MYO16: variants seen among roughly 807,000 people sequenced by gnomAD.
The protein encoded by MYO16 is unconventional myosin-XVI.
Under a neutral mutation model 205.3 loss-of-function variants are expected in MYO16, and 94 were observed. That is an observed-to-expected ratio of 0.46 (90% CI 0.39 to 0.54). The LOEUF (loss-of-function observed/expected upper bound fraction) is 0.54. Among genes scored for constraint, MYO16 ranks in the 20% least tolerant of loss-of-function variants. The pLI, the probability that MYO16 is intolerant of heterozygous loss-of-function variation, is 0.00. For synonymous variants in MYO16, 988 were observed against 954.0 expected (o/e 1.04, Z -0.66); for missense variants, 2,315 against 2,387.5 (o/e 0.97, Z 0.63).
At chr13:108,745,984 G>A (rs1315959579) in intron 4 of MYO16, among the ~76,000 whole-genome samples, 8 of 151,930 alleles carry the variant, frequency 5.3e-5, no homozygotes, top group South Asian at 2.1e-4. Context: ...TCAGGAGAAC[G>A]AGACCATCCT....
At chr13:109,069,638 A>G (rs528442575) in intron 27 of MYO16, among the ~76,000 whole-genome samples, 4 of 151,950 alleles carry the variant, frequency 2.6e-5, no homozygotes, top group African/African-American at 7.3e-5. Context: ...TCTTTGGTAC[A>G]TACATGCCAT....
At chr13:108,889,206 T>G (rs904692574) in intron 14 of MYO16, among the ~76,000 whole-genome samples, 2 of 151,702 alleles carry the variant, frequency 1.3e-5, no homozygotes, top group African/African-American at 4.8e-5. Flanking sequence ...CCTTAAAGAC[T>G]TCGATGGGCA....
At chr13:108,582,472 C>G in the MYO16 span, among the ~76,000 whole-genome samples, 1 of 152,152 alleles carries the variant, frequency 6.6e-6, no homozygotes, top group African/African-American at 2.4e-5. Context: ...GTGGCACAAC[C>G]CAACTGAGCA....
At chr13:109,012,033 C>T (rs760035018) in intron 22 of MYO16, among the ~76,000 whole-genome samples, 1 of 152,074 alleles carries the variant, frequency 6.6e-6, no homozygotes, top group Non-Finnish European at 1.5e-5. Context: ...AGTATCTACA[C>T]ATTTAAAAGC....
upstream of MYO16, among the ~76,000 whole-genome samples, chr13:108,624,649 C>T (rs1201450435): frequency 6.6e-6 from 1 of 152,154 alleles, no homozygotes; most frequent in African/African-American, 2.4e-5. Context: ...TTACAAATGT[C>T]CTGCTTTAGA....
At chr13:109,085,629 T>G (rs879568205) in intron 27 of MYO16, among the ~76,000 whole-genome samples, 5 of 152,226 alleles carry the variant, frequency 3.3e-5, no homozygotes, top group Non-Finnish European at 7.3e-5. Flanking sequence ...CATTTTTAAG[T>G]CATTCATTCC....
intron 4 of MYO16, among the ~76,000 whole-genome samples, chr13:108,767,355 G>T (rs1361782806): frequency 1.3e-5 from 2 of 152,158 alleles, no homozygotes; most frequent in African/African-American, 4.8e-5. Flanking sequence ...ATCCGCCTCA[G>T]CCTCCCAAAG....
At chr13:109,054,549 A>C (rs188651885) in intron 25 of MYO16, among the ~76,000 whole-genome samples, 1 of 152,238 alleles carries the variant, frequency 6.6e-6, no homozygotes. Context: ...TAACCAGGAT[A>C]TGATCGTGAG....
At chr13:109,046,070 G>T (rs1027809109) in intron 23 of MYO16, among the ~76,000 whole-genome samples, 4 of 152,164 alleles carry the variant, frequency 2.6e-5, no homozygotes, top group African/African-American at 9.7e-5. Context: ...CTCCCTCATG[G>T]CTGATGCTCA....
the MYO16 span, among the ~76,000 whole-genome samples, chr13:108,560,715 G>A: frequency 6.6e-6 from 1 of 151,952 alleles, no homozygotes; most frequent in Non-Finnish European, 1.5e-5. Flanking sequence ...GACTTTTTAG[G>A]AAATACAAAC....
intron 1 of MYO16, among the ~76,000 whole-genome samples, chr13:108,656,167 C>T (rs1266226852): frequency 6.6e-6 from 1 of 152,162 alleles, no homozygotes; most frequent in Non-Finnish European, 1.5e-5. Context: ...TCTCCCATAA[C>T]TCCCACATGT....
intron 16 of MYO16, among the ~76,000 whole-genome samples, chr13:108,936,936 A>T (rs773232621): frequency 1.1e-4 from 17 of 152,128 alleles, no homozygotes; most frequent in Non-Finnish European, 1.8e-4. Context: ...CTTGCTTTAT[A>T]GTGTCTGTGT....
chr13:108,800,173 G>A (rs1886927584), intron 6 of MYO16, among the ~76,000 whole-genome samples: 1 of 152,166 alleles, frequency 6.6e-6, no homozygotes, highest in South Asian at 2.1e-4. Flanking sequence ...CCCTAAAATA[G>A]AACCAGAAAT....
At chr13:108,686,648 G>A (rs888336049) in intron 2 of MYO16, among the ~76,000 whole-genome samples, 6 of 152,186 alleles carry the variant, frequency 3.9e-5, no homozygotes, top group African/African-American at 1.4e-4. Flanking sequence ...TAAACCAGAG[G>A]AGCGAATGTC....
chr13:108,678,440 C>T (rs541545161), intron 2 of MYO16, among the ~76,000 whole-genome samples: 2 of 152,228 alleles, frequency 1.3e-5, no homozygotes, highest in African/African-American at 4.8e-5. Context: ...ATTTCAGTTT[C>T]CCTCATAACC....
rs199640509 is a variant in MYO16, at chr13:108,844,369, A to T, written c.1124A>T (p.Lys375Met). Residue 375 changes from lysine to methionine, a missense_variant, in exon 10 of 35, where the codon AAG (lysine) becomes ATG (methionine). By Grantham distance (95) the Lys-to-Met change is moderately conservative. Around this residue, in one of 3 missense-constraint regions of MYO16, gnomAD observed 1,213 missense variants for 1,274.4 expected, o/e 0.95. Coordinates refer to ENST00000457511, the MANE Select transcript of MYO16 (RefSeq NM_001198950.3). ...AGTCCCCTGGTGTTACCAATTGCCA[A>T]GCAAGACAGTTTGTTGGAAAAAGAC... is the stretch of plus-strand genomic sequence containing the variant. ...KLSPLVLPIA[K>M]QDSLLEKDIM... 9 of 1,613,234 alleles carry T rather than the reference A, an allele frequency of 5.6e-6. No homozygotes were observed. In the East Asian group the frequency reaches 2.0e-4, roughly 36 times the overall value.
At position 108,666,228 on chromosome 13, in the gene MYO16, T is replaced by C. The variant is rs1021693066; in HGVS notation, c.292+79T>C. 8 of 1,436,642 alleles carry C rather than the reference T, an allele frequency of 5.6e-6. No individual in the cohort carries two copies. The Admixed American group carries it at 9.3e-5, about 17-fold the overall frequency. The allele number at this position is 1,436,642 out of a possible 1,614,324, so 89.0% of individuals were successfully genotyped here. On this transcript the variant is annotated intron_variant, in intron 2 of 34. Coordinates refer to ENST00000457511, the MANE Select transcript of MYO16 (RefSeq NM_001198950.3). ...TTTTGTTGGTTTGTTGTTTTTTTGA[T>C]GGAGAGATGGGGCAGAAAAGTCCTT...
intron 1 of MYO16, among the ~76,000 whole-genome samples, chr13:108,608,824 A>G (rs1311516745): frequency 2.6e-5 from 4 of 152,056 alleles, no homozygotes; most frequent in African/African-American, 9.7e-5. Context: ...TTGTGTTTTT[A>G]GTAAAGACAG....
rs150026706 is a variant in MYO16 at position 108,936,416 on chromosome 13, G to A, written c.1926-21272G>A. Among the ~76,000 whole-genome samples, 579 of 152,066 alleles carry A rather than the reference G, an allele frequency of 3.8e-3. 4 individuals are homozygous for A. The highest frequency in any genetic ancestry group is 0.012 in the African/African-American group (508 of 41,512). ...TAATTTCAGAAGTTGGTATTGGTCTGTTCAGTGTTTCAGTTTCTCCCTGAT... is the reference window on the plus strand; with the variant it reads ...TAATTTCAGAAGTTGGTATTGGTCTATTCAGTGTTTCAGTTTCTCCCTGAT... On this transcript the variant is annotated intron_variant, in intron 16 of 34. Transcript: ENST00000457511.
Sources: gnomAD v4.1 joint callset for allele counts (sites outside exome capture counted in the v4.1 genomes callset) on GRCh38, gnomAD v4.1.1 for gene constraint, gnomAD v4.1.1 regional missense constraint, MANE v1.5 for transcripts, NCBI Gene and HGNC (gene_info 2026-07-23, HGNC 2026-07-21) for gene names.